Variants in CACHD1 observed in about 807,000 individuals in gnomAD.
The protein encoded by CACHD1 is cache domain containing 1.
A neutral mutation model predicts 138.7 loss-of-function variants in CACHD1; 71 were observed. The observed-to-expected ratio is 0.51, with a 90% CI of 0.42 to 0.62. The LOEUF is 0.62. Among genes scored for constraint, CACHD1 ranks in the 20% least tolerant of loss-of-function variants. The probability of loss-of-function intolerance (pLI) is 0.00; values close to 1 mark genes in which losing one functional copy is unlikely to be tolerated. For synonymous variants in CACHD1, 578 were observed against 591.5 expected, an observed-to-expected ratio of 0.98 and a Z score of 0.33; for missense variants, 1,389 against 1,625.3, an observed-to-expected ratio of 0.85 and a Z score of 2.50.
intron 20 of CACHD1, among the ~76,000 whole-genome samples, 162 bp from the exon 21 acceptor site, chr1:64,675,735 C>A (rs1470308566): frequency 6.6e-6 from 1 of 152,182 alleles, no homozygotes; most frequent in Non-Finnish European, 1.5e-5. Flanking sequence ...GTCCAAAGAA[C>A]AATGGATTAA....
chr1:64,619,077 C>A (rs1395062040), intron 4 of CACHD1, among the ~76,000 whole-genome samples: 2 of 152,062 alleles, frequency 1.3e-5, no homozygotes, highest in African/African-American at 4.8e-5. Context: ...TTAAAGAGGG[C>A]AGGCAAGGAG....
chr1:64,547,746 C>G (rs1646728564), intron 1 of CACHD1, among the ~76,000 whole-genome samples: 1 of 152,168 alleles, frequency 6.6e-6, no homozygotes, highest in Non-Finnish European at 1.5e-5. Flanking sequence ...CTACTGGCTT[C>G]CCATGGCATC....
At chr1:64,617,522 T>C (rs1647755059) in intron 4 of CACHD1, among the ~76,000 whole-genome samples, 1 of 152,172 alleles carries the variant, frequency 6.6e-6, no homozygotes, top group Non-Finnish European at 1.5e-5. Flanking sequence ...CAAAGAGCTA[T>C]GAGCTCAGAA....
At chr1:64,673,285 G>A (rs764236638) in intron 18 of CACHD1, 28 bp downstream of exon 18, 4 of 1,612,966 alleles carry the variant, frequency 2.5e-6, no homozygotes, top group Non-Finnish European at 2.5e-6. Flanking sequence ...GAGCTGCTCA[G>A]TTCTCCAACC....
At chr1:64,613,527 A>G (rs1431271030) in intron 4 of CACHD1, 2 of 152,184 alleles carry the variant, frequency 1.3e-5, no homozygotes, top group Non-Finnish European at 2.9e-5. Flanking sequence ...AGGTATGGCT[A>G]CGTGTTTAAA....
chr1:64,591,901 A>T (rs2100557021), intron 3 of CACHD1, among the ~76,000 whole-genome samples: 1 of 152,256 alleles, frequency 6.6e-6, no homozygotes, highest in East Asian at 1.9e-4. Context: ...TAGTTCAGGG[A>T]CCCTGTCAGA....
chr1:64,485,579 T>TTTTTG lies in CACHD1; in HGVS notation c.198+14653_198+14657dup, dbSNP rs371035666. 5.5e-3 allele frequency among the ~76,000 whole-genome samples: 836 copies of TTTTTG among 152,170 alleles called. 6 individuals carry two copies. The highest frequency in any genetic ancestry group is 0.019 in the African/African-American group (800 of 41,504). ...TAAAGAACATTTGAGTTTTTGTAGT[T>TTTTTG]TTTTGTTTTGTTTTGTTTTGAGACA... On this transcript the variant is annotated intron_variant, in intron 1 of 26. Coordinates refer to ENST00000651257, the MANE Select transcript of CACHD1 (RefSeq NM_020925.4).
chr1:64,643,472 G>T lies in CACHD1; in HGVS notation c.1156+1503G>T, dbSNP rs370189098. Among the ~76,000 whole-genome samples the T allele has an allele frequency of 9.2e-5, 14 of 152,288 alleles. 2 individuals carry two copies. The highest frequency in any genetic ancestry group is 5.2e-4 in the Admixed American group (8 of 15,300). On this transcript the variant is annotated intron_variant, in intron 8 of 26. Transcript: ENST00000651257. ...GAAAAATAGTAAAATCTACTGCATAGGGTTGTTGTAATAATAAATAAGCAA... is the reference window on the plus strand; with the variant it reads ...GAAAAATAGTAAAATCTACTGCATATGGTTGTTGTAATAATAAATAAGCAA...
At chr1:64,645,236 A>T (rs1648864473) in intron 8 of CACHD1, among the ~76,000 whole-genome samples, 1 of 152,222 alleles carries the variant, frequency 6.6e-6, no homozygotes, top group Non-Finnish European at 1.5e-5. Context: ...ATATAGTTAG[A>T]TAGAAGGAAT....
chr1:64,508,281 A>T (rs1646392584), intron 1 of CACHD1, among the ~76,000 whole-genome samples: 1 of 152,192 alleles, frequency 6.6e-6, no homozygotes, highest in Non-Finnish European at 1.5e-5. Flanking sequence ...TTGGGCAGGG[A>T]CACAAATCCA....
chr1:64,512,393 CAAAAAAAAAAAAA>C (rs551616431), intron 1 of CACHD1, among the ~76,000 whole-genome samples: 2 of 78,628 alleles, frequency 2.5e-5, no homozygotes, highest in African/African-American at 1.3e-4. Flanking sequence ...GACTGTGTCT[CAAAAAAAAAAAAA>C]AAAAAAAAAA....
intron 4 of CACHD1, among the ~76,000 whole-genome samples, chr1:64,614,697 C>T (rs1361767229): frequency 6.6e-6 from 1 of 152,210 alleles, no homozygotes; most frequent in Non-Finnish European, 1.5e-5. Flanking sequence ...GGTACACTGA[C>T]TTGTGACATA....
intron 1 of CACHD1, among the ~76,000 whole-genome samples, chr1:64,508,564 C>T (rs1047172436): frequency 1.8e-4 from 28 of 152,292 alleles, no homozygotes; most frequent in African/African-American, 6.7e-4. Flanking sequence ...ATGAAATGGA[C>T]CTGCCAGGCA....
At chr1:64,474,277 T>C (rs550829055) in intron 1 of CACHD1, among the ~76,000 whole-genome samples, 1 of 152,204 alleles carries the variant, frequency 6.6e-6, no homozygotes. Flanking sequence ...TAAGTGGCTG[T>C]GTCCAGGGAG....
At chr1:64,551,835 T>C (rs1207478766) in intron 2 of CACHD1, among the ~76,000 whole-genome samples, 1 of 152,246 alleles carries the variant, frequency 6.6e-6, no homozygotes, top group Non-Finnish European at 1.5e-5. Context: ...TAGCTTTAGA[T>C]ATTTTTAAAA....
chr1:64,541,651 A>G (rs2100429138), intron 1 of CACHD1, among the ~76,000 whole-genome samples: 1 of 151,526 alleles, frequency 6.6e-6, no homozygotes, highest in South Asian at 2.1e-4. Context: ...CTACCAAACA[A>G]AACAAAACAA....
chr1:64,689,815 G>A (rs758730916), intron 26 of CACHD1, among the ~76,000 whole-genome samples: 3 of 151,994 alleles, frequency 2.0e-5, no homozygotes, highest in Non-Finnish European at 4.4e-5. Context: ...ATCCACTTAA[G>A]CCCAACTAAA....
At chr1:64,579,687 A>C (rs1017543460) in intron 2 of CACHD1, among the ~76,000 whole-genome samples, 2 of 152,108 alleles carry the variant, frequency 1.3e-5, no homozygotes, top group African/African-American at 4.8e-5. Context: ...GTTTTAAAAG[A>C]GTTGATTATT....
intron 9 of CACHD1, among the ~76,000 whole-genome samples, chr1:64,651,875 C>T (rs1649108196): frequency 6.6e-6 from 1 of 152,106 alleles, no homozygotes; most frequent in Non-Finnish European, 1.5e-5. Context: ...TCTGGAAGGT[C>T]TTATCTTTTT....
Sources: allele counts gnomAD v4.1 joint callset (sites outside exome capture counted in the v4.1 genomes callset), GRCh38; gene constraint gnomAD v4.1.1; transcripts MANE v1.5; gene names NCBI Gene and HGNC (gene_info 2026-07-23, HGNC 2026-07-21).